PTPRD: variants seen among roughly 807,000 people sequenced by gnomAD.
PTPRD encodes receptor-type tyrosine-protein phosphatase delta.
In PTPRD, 34 loss-of-function variants were observed where a neutral mutation model predicts 214.5. The ratio of observed to expected loss-of-function variants is 0.16; its 90% confidence interval spans 0.12 to 0.21. The LOEUF is 0.21. Among genes scored for constraint, PTPRD ranks in the 10% least tolerant of loss-of-function variants. The pLI, the probability that PTPRD is intolerant of heterozygous loss-of-function variation, is 1.00. For synonymous variants in PTPRD, 1,128 were observed against 845.7 expected, an observed-to-expected ratio of 1.33 and a Z score of -5.79; for missense variants, 2,545 against 2,398.7, an observed-to-expected ratio of 1.06 and a Z score of -1.27.
At chr9:8,322,552 G>A (rs144799159) in intron 44 of PTPRD, among the ~76,000 whole-genome samples, 1 of 152,154 alleles carries the variant, frequency 6.6e-6, no homozygotes, top group African/African-American at 2.4e-5. Flanking sequence ...TTCTATGAAG[G>A]CTGGGAGGTG....
intron 10 of PTPRD, among the ~76,000 whole-genome samples, chr9:9,076,842 T>C (rs1452402798): frequency 6.6e-6 from 1 of 151,558 alleles, no homozygotes; most frequent in Non-Finnish European, 1.5e-5. Flanking sequence ...CTGGAACATA[T>C]GGTAGCTCTA....
chr9:8,754,144 CA>C (rs113062178), intron 11 of PTPRD, among the ~76,000 whole-genome samples: 7,662 of 151,366 alleles, frequency 0.051, 480 homozygotes, highest in African/African-American at 0.15. Context: ...GACTCCATCT[CA>C]AAAAAAAGAC....
At chr9:10,588,199 C>G (rs916963487) in intron 2 of PTPRD, among the ~76,000 whole-genome samples, 2 of 152,088 alleles carry the variant, frequency 1.3e-5, no homozygotes, top group Middle Eastern at 3.4e-3. Context: ...AAAGAGATGT[C>G]AATGACAAAT....
At chr9:10,606,755 TGCTTGCCTG>T (rs1265986591) in intron 2 of PTPRD, among the ~76,000 whole-genome samples, 2 of 151,878 alleles carry the variant, frequency 1.3e-5, no homozygotes, top group African/African-American at 4.8e-5. Flanking sequence ...GTGAACACAA[TGCTTGCCTG>T]GCTTTGTTCT....
chr9:8,768,441 A>T lies in PTPRD; in HGVS notation c.-103-34495T>A, dbSNP rs142462149. Among the ~76,000 whole-genome samples the T allele has an allele frequency of 1.0e-3, 155 of 152,222 alleles. 4 individuals are homozygous for T. The East Asian group carries it at 0.023, about 23-fold the overall frequency. On this transcript the variant is annotated intron_variant, in intron 11 of 45. Coordinates refer to ENST00000381196, the MANE Select transcript of PTPRD (RefSeq NM_002839.4). ...ATGGCACACACCTGTAGTCCCAGCT[A>T]CTCAGGAAGCTGAGAGGTGGAAGAA...
chr9:10,047,776 C>G (rs962294503), intron 3 of PTPRD, among the ~76,000 whole-genome samples: 2 of 152,124 alleles, frequency 1.3e-5, no homozygotes, highest in African/African-American at 4.8e-5. Flanking sequence ...ATAGGCAATT[C>G]ATTTAATTTG....
At chr9:9,204,989 G>A (rs2099943991) in intron 9 of PTPRD, among the ~76,000 whole-genome samples, 1 of 152,118 alleles carries the variant, frequency 6.6e-6, no homozygotes, top group African/African-American at 2.4e-5. Flanking sequence ...GACTATTGAA[G>A]AATGCAAATT....
chr9:8,733,253 G>A (rs1274533513), intron 12 of PTPRD, among the ~76,000 whole-genome samples: 2 of 152,022 alleles, frequency 1.3e-5, no homozygotes, highest in Non-Finnish European at 2.9e-5. Context: ...CCACAAAGTT[G>A]TCAGTTCTGC....
At chr9:8,935,185 C>A (rs66867787) in intron 11 of PTPRD, among the ~76,000 whole-genome samples, 56,153 of 151,886 alleles carry the variant, frequency 0.37, 11,785 homozygotes, top group Non-Finnish European at 0.48. Flanking sequence ...CATATGACAC[C>A]ATCTTACATA....
At chr9:8,782,818 A>T (rs553695198) in intron 11 of PTPRD, among the ~76,000 whole-genome samples, 11 of 151,800 alleles carry the variant, frequency 7.2e-5, no homozygotes, top group South Asian at 2.1e-4. Flanking sequence ...CTGGTCTCGA[A>T]CTCCTGACCT....
intron 23 of PTPRD, among the ~76,000 whole-genome samples, chr9:8,503,454 T>G (rs192876863): frequency 2.2e-4 from 34 of 152,318 alleles, no homozygotes; most frequent in African/African-American, 7.9e-4. Flanking sequence ...GTATTTTTTA[T>G]GAATGAACTG....
intron 2 of PTPRD, among the ~76,000 whole-genome samples, chr9:10,403,890 A>G (rs1307348822): frequency 6.6e-6 from 1 of 151,714 alleles, no homozygotes; most frequent in Admixed American, 6.6e-5. Flanking sequence ...TTAGGGCACT[A>G]AAAATACTCT....
At chr9:8,820,957 C>T (rs1031000138) in intron 11 of PTPRD, among the ~76,000 whole-genome samples, 2 of 152,184 alleles carry the variant, frequency 1.3e-5, no homozygotes. Context: ...CAAACACAGT[C>T]CCAATTCAGA....
Position 8,676,846 on chromosome 9 carries a change from C to T in PTPRD, c.65-40002G>A, listed in dbSNP as rs9886923. ...GCCTTGGCCTCCCAAAGGGCTGGGA[C>T]TGCAGGCGTGAGCCACCGTGCCCGG... On this transcript the variant is annotated intron_variant, in intron 12 of 45. Coordinates refer to ENST00000381196, the MANE Select transcript of PTPRD (RefSeq NM_002839.4). Among the ~76,000 whole-genome samples the T allele has an allele frequency of 8.5e-3, 1,289 of 152,228 alleles. 22 individuals are homozygous for T. The highest frequency in any genetic ancestry group is 0.026 in the African/African-American group (1,092 of 41,554).
intron 7 of PTPRD, among the ~76,000 whole-genome samples, chr9:9,656,827 G>C (rs2096527240): frequency 6.6e-6 from 1 of 151,952 alleles, no homozygotes; most frequent in East Asian, 1.9e-4. Flanking sequence ...TCTCTGGTGG[G>C]GGATGTTGAT....
chr9:10,036,551 A>G (rs2097185529), intron 3 of PTPRD, among the ~76,000 whole-genome samples: 1 of 149,340 alleles, frequency 6.7e-6, no homozygotes, highest in Non-Finnish European at 1.5e-5. Context: ...CCAGGATTCC[A>G]CAAACAGCAC....
At chr9:8,480,989 G>A (rs917342845) in intron 30 of PTPRD, among the ~76,000 whole-genome samples, 2 of 151,760 alleles carry the variant, frequency 1.3e-5, no homozygotes, top group African/African-American at 2.4e-5. Context: ...AATACAAAAA[G>A]ATTAGCCAGG....
intron 8 of PTPRD, among the ~76,000 whole-genome samples, chr9:9,439,072 C>T (rs1398669899): frequency 6.6e-6 from 1 of 152,118 alleles, no homozygotes; most frequent in East Asian, 1.9e-4. Context: ...ATCTCATTCT[C>T]TTCTTCCTTT....
chr9:10,059,146 G>A (rs2097711006), intron 3 of PTPRD, among the ~76,000 whole-genome samples: 1 of 152,050 alleles, frequency 6.6e-6, no homozygotes, highest in Admixed American at 6.6e-5. Context: ...TTGGCCTGAA[G>A]CAGTAAGTTC....
Sources: gnomAD v4.1 joint callset for allele counts (sites outside exome capture counted in the v4.1 genomes callset) on GRCh38, gnomAD v4.1.1 for gene constraint, MANE v1.5 for transcripts, NCBI Gene and HGNC (gene_info 2026-07-23, HGNC 2026-07-21) for gene names.